The following IQGAP3 variants were observed in gnomAD, a reference collection of about 807,000 sequenced individuals.
The protein encoded by IQGAP3 is ras GTPase-activating-like protein IQGAP3.
A neutral mutation model predicts 208.2 loss-of-function variants in IQGAP3; 165 were observed. That is an observed-to-expected ratio of 0.79 (90% CI 0.70 to 0.90). The LOEUF (loss-of-function observed/expected upper bound fraction) is 0.90. Among genes scored for constraint, IQGAP3 ranks in the 40% least tolerant of loss-of-function variants. The pLI is 0.00. For synonymous variants in IQGAP3, 703 were observed against 803.6 expected, an observed-to-expected ratio of 0.87 and a Z score of 2.12; for missense variants, 1,811 against 2,043.1, an observed-to-expected ratio of 0.89 and a Z score of 2.19.
At chr1:156,553,235 G>A (rs1675646240) in intron 13 of IQGAP3, among the ~76,000 whole-genome samples, 1 of 151,592 alleles carries the variant, frequency 6.6e-6, no homozygotes, top group Non-Finnish European at 1.5e-5. Context: ...AAACCCTCCC[G>A]TGGCTTCCTT....
intron 29 of IQGAP3, 120 bp from the exon 30 acceptor site, chr1:156,534,261 T>G: frequency 1.4e-6 from 2 of 1,460,644 alleles, no homozygotes; most frequent in Non-Finnish European, 1.9e-6. Flanking sequence ...CTCTCCAGTC[T>G]CAGCTTCTGC....
At chr1:156,560,904 G>A (rs376591529) in intron 11 of IQGAP3, 30 bp downstream of exon 11, 39 of 1,458,838 alleles carry the variant, frequency 2.7e-5, no homozygotes, top group Middle Eastern at 1.7e-4. Context: ...GATACGCACA[G>A]AGCAGGCCTC....
At chr1:156,539,567 T>C in intron 24 of IQGAP3, 30 bp from the exon 25 acceptor site, 1 of 1,611,342 alleles carries the variant, frequency 6.2e-7, no homozygotes, top group Non-Finnish European at 8.5e-7. Context: ...CAGGAATGGC[T>C]GACCATGCAC....
intron 19 of IQGAP3, 85 bp from the exon 20 acceptor site, chr1:156,544,557 C>T (rs568692251): frequency 5.1e-6 from 6 of 1,174,604 alleles, no homozygotes; most frequent in East Asian, 4.7e-5. Flanking sequence ...GTCCTGGGCC[C>T]TCCAGGGAAT....
chr1:156,561,474 C>T (rs977682430), intron 10 of IQGAP3, among the ~76,000 whole-genome samples: 5 of 152,038 alleles, frequency 3.3e-5, no homozygotes, highest in African/African-American at 1.2e-4. Flanking sequence ...GCCCTATTAA[C>T]TCATCTTTAA....
At chr1:156,545,997 AGAG>A (rs1396327957) in intron 19 of IQGAP3, among the ~76,000 whole-genome samples, 1 of 152,140 alleles carries the variant, frequency 6.6e-6, no homozygotes, top group Non-Finnish European at 1.5e-5. Flanking sequence ...AGGATGTAAA[AGAG>A]GATAGCTTGG....
intron 19 of IQGAP3, among the ~76,000 whole-genome samples, chr1:156,547,752 T>C (rs1675329210): frequency 6.6e-6 from 1 of 152,236 alleles, no homozygotes. Context: ...TTATAAACAC[T>C]TGAGATATTA....
intron 28 of IQGAP3, among the ~76,000 whole-genome samples, 198 bp downstream of exon 28, chr1:156,534,965 C>T (rs921191493): frequency 3.9e-5 from 6 of 152,216 alleles, no homozygotes; most frequent in African/African-American, 1.4e-4. Context: ...CCACTCTGTT[C>T]GCTCACACCC....
chr1:156,542,975 A>AC (rs1484396231), intron 22 of IQGAP3, among the ~76,000 whole-genome samples: 16 of 152,086 alleles, frequency 1.1e-4, no homozygotes, highest in African/African-American at 3.4e-4. Flanking sequence ...AATTAAAAAA[A>AC]AAAAGGAAGT....
rs183025316 is a variant in IQGAP3 at position 156,547,459 on chromosome 1, T to G, written c.2304+614A>C. Among the ~76,000 whole-genome samples the G allele has an allele frequency of 2.5e-3, 377 of 151,696 alleles. 3 individuals carry two copies. Among genetic ancestry groups the G allele is most frequent in the African/African-American group, 8.6e-3 (357 of 41,272 alleles). ...CACATTTTTAGAGACAGGGTCTCGC[T>G]CTGTTGCCCATGCTGGAGTGCAGTG... On this transcript the variant is annotated intron_variant, in intron 19 of 37. Coordinates refer to ENST00000361170, the MANE Select transcript of IQGAP3 (RefSeq NM_178229.5).
chr1:156,561,565 C>A (rs1676151597), intron 10 of IQGAP3, among the ~76,000 whole-genome samples: 2 of 152,206 alleles, frequency 1.3e-5, no homozygotes, highest in South Asian at 4.1e-4. Context: ...ACTTTAAAAA[C>A]AAGATTGCTA....
chr1:156,546,690 G>A (rs1204052232), intron 19 of IQGAP3, among the ~76,000 whole-genome samples: 1 of 152,188 alleles, frequency 6.6e-6, no homozygotes, highest in Non-Finnish European at 1.5e-5. Context: ...GAAACCGAGT[G>A]CTAGAGAGGG....
chr1:156,529,553 G>A (rs562363188), intron 34 of IQGAP3, among the ~76,000 whole-genome samples: 5 of 152,190 alleles, frequency 3.3e-5, no homozygotes, highest in African/African-American at 7.2e-5. Context: ...GAGAGCCTAA[G>A]GTGGGCAGAT....
At position 156,526,568 on chromosome 1, in the gene IQGAP3, G is replaced by A. The variant is rs867666505; in HGVS notation, c.4814C>T (p.Ala1605Val). ...GGCCTTGTTGAAGAGTTTCATGACA[G>A]CCACACCCTCATACTGGAGCTGCAG... The part of the protein sequence containing the change: ...DLLQLQYEGV[A>V]VMKLFNKAKV... The change falls in exon 38 of 38, where the codon GCT becomes GTT. Residue 1605 changes from alanine (A) to valine (V), a missense_variant. Physicochemically the swap from Ala to Val is moderately conservative, Grantham distance 64. Coordinates refer to ENST00000361170, the MANE Select transcript of IQGAP3 (RefSeq NM_178229.5). 6.2e-7 allele frequency: 1 copy of A among 1,614,018 alleles called. No individual in the cohort carries two copies. The highest frequency in any genetic ancestry group is 8.5e-7 in the Non-Finnish European group (1 of 1,179,868).
At position 156,561,795 on chromosome 1, in the gene IQGAP3, A is replaced by G. The variant is rs995760464; in HGVS notation, c.1041+43T>C. On this transcript the variant is annotated intron_variant, in intron 10 of 37. Coordinates refer to ENST00000361170, the MANE Select transcript of IQGAP3 (RefSeq NM_178229.5). Reference sequence around the variant, plus strand: ...TGAGTAAGAGGCCCTCTCCTATCCTATAGTCACATACAGGGGGTGGCAGGT... The same window carrying G: ...TGAGTAAGAGGCCCTCTCCTATCCTGTAGTCACATACAGGGGGTGGCAGGT... 9.4e-6 allele frequency: 15 copies of G among 1,594,354 alleles called. No individual in the cohort carries two copies. In the East Asian group the frequency reaches 1.6e-4, roughly 17 times the overall value.
chr1:156,531,359 T>C (rs1674392490), intron 32 of IQGAP3, 112 bp from the exon 33 acceptor site: 2 of 792,530 alleles, frequency 2.5e-6, no homozygotes, highest in Non-Finnish European at 4.5e-6. Context: ...GCATGGCTGC[T>C]AGGATATAAG....
intron 19 of IQGAP3, among the ~76,000 whole-genome samples, chr1:156,546,153 T>C (rs1295746010): frequency 2.6e-5 from 4 of 152,152 alleles, no homozygotes; most frequent in Admixed American, 2.6e-4. Flanking sequence ...TGCTCTCTGC[T>C]CTTACTCACT....
chr1:156,554,419 C>T, intron 12 of IQGAP3, 27 bp from the exon 13 acceptor site: 1 of 1,575,028 alleles, frequency 6.3e-7, no homozygotes, highest in Non-Finnish European at 8.6e-7. Flanking sequence ...GGCCAATTCC[C>T]AAGTGGGCAG....
At chr1:156,550,975 T>C (rs967898389) in intron 15 of IQGAP3, among the ~76,000 whole-genome samples, 8 of 152,162 alleles carry the variant, frequency 5.3e-5, no homozygotes, top group African/African-American at 1.7e-4. Flanking sequence ...TCAATAATAA[T>C]AGACTTTGTA....
Sources: gnomAD v4.1 joint callset for allele counts (sites outside exome capture counted in the v4.1 genomes callset) on GRCh38, gnomAD v4.1.1 for gene constraint, MANE v1.5 for transcripts, NCBI Gene and HGNC (gene_info 2026-07-23, HGNC 2026-07-21) for gene names.